NFIB: variants seen among roughly 807,000 people sequenced by gnomAD.
The protein encoded by NFIB is nuclear factor 1 B-type.
Under a neutral mutation model 61.5 loss-of-function variants are expected in NFIB, and 11 were observed. The observed-to-expected ratio is 0.18, with a 90% CI of 0.11 to 0.30. The LOEUF (loss-of-function observed/expected upper bound fraction) is 0.30. NFIB is among the 10% of genes least tolerant of loss of function. NFIB has a pLI of 1.00. For missense variants in NFIB, 471 were observed against 608.9 expected (o/e 0.77, Z 2.38); for synonymous variants, 260 against 216.5 (o/e 1.20, Z -1.76).
intron 2 of NFIB, among the ~76,000 whole-genome samples, chr9:14,225,425 C>T (rs1587742364): frequency 7.8e-6 from 1 of 128,644 alleles, no homozygotes; most frequent in East Asian, 2.7e-4. Flanking sequence ...CCACTGCACT[C>T]CAGCCTGGGC....
At chr9:14,089,969 C>T (rs2033607085) in intron 10 of NFIB, among the ~76,000 whole-genome samples, 1 of 152,116 alleles carries the variant, frequency 6.6e-6, no homozygotes, top group African/African-American at 2.4e-5. Context: ...AATTAGACTA[C>T]AAACTCAATG....
chr9:14,259,652 G>A (rs531969007), intron 2 of NFIB, among the ~76,000 whole-genome samples: 2 of 152,278 alleles, frequency 1.3e-5, no homozygotes, highest in African/African-American at 4.8e-5. Context: ...TGTAATCCCA[G>A]TACTTTGGGA....
intron 1 of NFIB, among the ~76,000 whole-genome samples, chr9:14,359,220 TG>T (rs1471251052): frequency 6.6e-6 from 1 of 152,216 alleles, no homozygotes; most frequent in African/African-American, 2.4e-5. Flanking sequence ...TCCTAGCCTG[TG>T]GAACTTGTGA....
rs147124114 is a variant in NFIB, at chr9:14,110,370, C to T, written c.1467+2629G>A. Among the ~76,000 whole-genome samples, 154 of 151,986 alleles carry T rather than the reference C, an allele frequency of 1.0e-3. 4 individuals carry two copies. In the East Asian group the frequency reaches 0.022, roughly 22 times the overall value. ...ATGAACTGAAGAATGTACCTGGTGACGATATTTATTCTTAAAGGATCATGT... is the reference window on the plus strand; with the variant it reads ...ATGAACTGAAGAATGTACCTGGTGATGATATTTATTCTTAAAGGATCATGT... On this transcript the variant is annotated intron_variant, in intron 10 of 10. Coordinates refer to ENST00000380953, the MANE Select transcript of NFIB (RefSeq NM_001190737.2).
chr9:14,295,380 C>T (rs2059367192), intron 2 of NFIB, among the ~76,000 whole-genome samples: 1 of 152,086 alleles, frequency 6.6e-6, no homozygotes, highest in South Asian at 2.1e-4. Context: ...AATCCCAGCA[C>T]TTTGGGAGGC....
intron 5 of NFIB, among the ~76,000 whole-genome samples, chr9:14,148,069 C>T (rs1316987145): frequency 6.6e-6 from 1 of 152,068 alleles, no homozygotes. Flanking sequence ...TATGCCCCCA[C>T]CAATAAAGCA....
intron 2 of NFIB, among the ~76,000 whole-genome samples, chr9:14,232,468 C>G (rs962825316): frequency 2.0e-5 from 3 of 152,166 alleles, no homozygotes; most frequent in Non-Finnish European, 2.9e-5. Flanking sequence ...TACTCAGCTA[C>G]TGACACACCA....
At chr9:14,485,868 C>T in the NFIB span, among the ~76,000 whole-genome samples, 1 of 151,898 alleles carries the variant, frequency 6.6e-6, no homozygotes, top group Non-Finnish European at 1.5e-5. Flanking sequence ...GAGTGAGACT[C>T]TGTCTCAAAA....
At chr9:14,297,667 A>C (rs996866721) in intron 2 of NFIB, among the ~76,000 whole-genome samples, 1 of 152,248 alleles carries the variant, frequency 6.6e-6, no homozygotes, top group Admixed American at 6.5e-5. Context: ...ATCTACACAC[A>C]TGTATAAACA....
chr9:14,187,003 T>G (rs1163796395), intron 2 of NFIB, among the ~76,000 whole-genome samples: 1 of 141,286 alleles, frequency 7.1e-6, no homozygotes, highest in African/African-American at 2.7e-5. Context: ...CATTCTTCGC[T>G]CCTGTGTGTG....
chr9:14,097,146 G>C (rs1178093731), intron 10 of NFIB, among the ~76,000 whole-genome samples: 4 of 152,140 alleles, frequency 2.6e-5, no homozygotes, highest in African/African-American at 9.7e-5. Context: ...ATTTTGATGA[G>C]AATAGAGTAA....
chr9:14,407,657 G>A, the NFIB span, among the ~76,000 whole-genome samples: 30 of 152,246 alleles, frequency 2.0e-4, no homozygotes, highest in South Asian at 8.3e-4. Flanking sequence ...GGCCTGTGGT[G>A]TAAGTTTGTC....
chr9:14,158,918 G>A (rs1171927508), intron 3 of NFIB, among the ~76,000 whole-genome samples: 1 of 152,198 alleles, frequency 6.6e-6, no homozygotes, highest in Non-Finnish European at 1.5e-5. Context: ...ACACATCGAT[G>A]AATAAGTGAT....
At chr9:14,116,459 C>A in intron 8 of NFIB, 113 bp from the exon 9 acceptor site, 1 of 1,090,156 alleles carries the variant, frequency 9.2e-7, no homozygotes, top group Non-Finnish European at 1.2e-6. Context: ...CGCATAGGCG[C>A]CACACAGGCC....
intron 1 of NFIB, among the ~76,000 whole-genome samples, chr9:14,386,078 C>T (rs796671639): frequency 2.0e-4 from 30 of 152,252 alleles, no homozygotes; most frequent in African/African-American, 7.2e-4. Flanking sequence ...CCACCACACT[C>T]GGTGACACGG....
the NFIB span, among the ~76,000 whole-genome samples, chr9:14,511,332 T>C: frequency 6.6e-6 from 1 of 152,118 alleles, no homozygotes; most frequent in Non-Finnish European, 1.5e-5. Flanking sequence ...GATTACTTTA[T>C]AAAAGAATCT....
intron 2 of NFIB, among the ~76,000 whole-genome samples, chr9:14,249,489 T>C (rs7874591): frequency 0.86 from 131,378 of 152,100 alleles, 56,842 homozygotes; most frequent in East Asian, 1. Context: ...TTTTTAAGAT[T>C]GCGTCTCACT....
the NFIB span, among the ~76,000 whole-genome samples, chr9:14,475,648 C>A: frequency 6.6e-6 from 1 of 152,068 alleles, no homozygotes; most frequent in African/African-American, 2.4e-5. Flanking sequence ...ATGACATGTC[C>A]CATCTCCTTG....
chr9:14,407,723 G>GT, the NFIB span, among the ~76,000 whole-genome samples: 4 of 152,036 alleles, frequency 2.6e-5, no homozygotes, highest in African/African-American at 9.7e-5. Flanking sequence ...ATCTTGCTTT[G>GT]TTGCCCAGGC....
Sources: gnomAD v4.1 joint callset for allele counts (sites outside exome capture counted in the v4.1 genomes callset) on GRCh38, gnomAD v4.1.1 for gene constraint, MANE v1.5 for transcripts, NCBI Gene and HGNC (gene_info 2026-07-23, HGNC 2026-07-21) for gene names.